ARL15: variants seen among roughly 807,000 people sequenced by gnomAD.
ARL15 encodes ARF like GTPase 15.
A neutral mutation model predicts 25.2 loss-of-function variants in ARL15; 19 were observed. That is an observed-to-expected ratio of 0.75 (90% confidence interval 0.53 to 1.10). The LOEUF is 1.10. Among genes scored for constraint, ARL15 ranks in the 50% least tolerant of loss-of-function variants. ARL15 has a pLI of 0.00. For missense variants in ARL15, 220 were observed against 246.0 expected (o/e 0.89, Z 0.71); for synonymous variants, 94 against 86.8 (o/e 1.08, Z -0.46).
intron 1 of ARL15, among the ~76,000 whole-genome samples, chr5:54,283,440 A>AATTCCAAATGT (rs1610936): frequency 5.3e-5 from 8 of 152,090 alleles, no homozygotes; most frequent in African/African-American, 1.9e-4. Context: ...ACTTTCAAAT[A>AATTCCAAATGT]TCAACGGTGC....
intron 4 of ARL15, among the ~76,000 whole-genome samples, chr5:53,917,475 T>C (rs907925215): frequency 6.6e-6 from 1 of 152,188 alleles, no homozygotes; most frequent in Non-Finnish European, 1.5e-5. Flanking sequence ...CAGTGTTTAT[T>C]AGACATCTAC....
intron 4 of ARL15, among the ~76,000 whole-genome samples, chr5:53,925,477 G>A (rs1246466952): frequency 1.3e-5 from 2 of 152,120 alleles, no homozygotes; most frequent in African/African-American, 2.4e-5. Flanking sequence ...GATTATAGGC[G>A]TGAACCACTG....
chr5:54,019,080 T>C (rs1041444415), intron 4 of ARL15, among the ~76,000 whole-genome samples: 4 of 152,148 alleles, frequency 2.6e-5, no homozygotes, highest in Non-Finnish European at 4.4e-5. Flanking sequence ...TGAAAAAATA[T>C]GTATGTTAAT....
chr5:54,011,142 G>A (rs141632356), intron 4 of ARL15, among the ~76,000 whole-genome samples: 72 of 152,258 alleles, frequency 4.7e-4, no homozygotes, highest in African/African-American at 9.9e-4. Flanking sequence ...CACGATTCAA[G>A]GTTAAGTCTC....
At chr5:54,047,416 G>A (rs569197961) in intron 4 of ARL15, among the ~76,000 whole-genome samples, 2 of 152,104 alleles carry the variant, frequency 1.3e-5, no homozygotes, top group Non-Finnish European at 2.9e-5. Flanking sequence ...ATGTCTCCCC[G>A]CAACATGGTG....
intron 4 of ARL15, among the ~76,000 whole-genome samples, chr5:54,003,835 CA>C (rs1483872891): frequency 6.6e-6 from 1 of 151,926 alleles, no homozygotes; most frequent in Non-Finnish European, 1.5e-5. Context: ...TCATTAGAAA[CA>C]AAAGAAACAT....
intron 1 of ARL15, among the ~76,000 whole-genome samples, chr5:54,228,956 T>A (rs1391360205): frequency 1.3e-5 from 2 of 152,148 alleles, no homozygotes; most frequent in East Asian, 3.8e-4. Flanking sequence ...TGTTAAGGTG[T>A]CTGTGAGAGA....
At chr5:54,124,687 G>T (rs931334901) in intron 3 of ARL15, among the ~76,000 whole-genome samples, 7 of 152,126 alleles carry the variant, frequency 4.6e-5, no homozygotes, top group African/African-American at 1.7e-4. Context: ...CCCATATTTT[G>T]TATTTTCATA....
Position 54,233,715 on chromosome 5 carries a change from G to T in ARL15, c.49-61787C>A, listed in dbSNP as rs1756730448. 2.0e-5 allele frequency among the ~76,000 whole-genome samples: 3 copies of T among 152,206 alleles called. No homozygotes were observed. The South Asian group carries it at 6.2e-4, about 31-fold the overall frequency. On this transcript the variant is annotated intron_variant, in intron 1 of 4. Transcript: ENST00000504924. The stretch of plus-strand genomic sequence containing the variant: ...TAAGGAACTACCATTTGATTGTTTA[G>T]ATATAGAATCACAGAAGACTACTCA...
intron 4 of ARL15, among the ~76,000 whole-genome samples, chr5:53,933,209 G>T (rs1296575780): frequency 6.6e-6 from 1 of 151,900 alleles, no homozygotes; most frequent in Non-Finnish European, 1.5e-5. Flanking sequence ...TGGGCAAGGG[G>T]GTATAGGTAG....
chr5:54,295,349 A>G (rs1758439706), intron 1 of ARL15, among the ~76,000 whole-genome samples: 1 of 152,204 alleles, frequency 6.6e-6, no homozygotes, highest in Non-Finnish European at 1.5e-5. Context: ...TAATGACATA[A>G]TGAAACTAAA....
intron 1 of ARL15, among the ~76,000 whole-genome samples, chr5:54,249,491 G>A (rs572701352): frequency 1.3e-5 from 2 of 152,164 alleles, no homozygotes; most frequent in East Asian, 1.9e-4. Flanking sequence ...AGAAGGGAAC[G>A]GGAAGAGTAG....
chr5:54,272,061 A>C (rs1423009078), intron 1 of ARL15, among the ~76,000 whole-genome samples: 1 of 143,796 alleles, frequency 7.0e-6, no homozygotes, highest in African/African-American at 2.6e-5. Context: ...CTTCTGTCTC[A>C]GCTTCCTGAA....
intron 2 of ARL15, among the ~76,000 whole-genome samples, chr5:54,165,731 C>T (rs942900747): frequency 7.9e-6 from 1 of 126,266 alleles, no homozygotes; most frequent in Non-Finnish European, 1.6e-5. Context: ...TAAATATATA[C>T]CTTTGTTTAT....
intron 4 of ARL15, chr5:53,887,491 C>T (rs982582086): frequency 1.3e-5 from 8 of 634,170 alleles, no homozygotes; most frequent in East Asian, 5.5e-5. Context: ...TACTGACTAA[C>T]GGCATTTAGT....
chr5:54,191,140 A>G (rs1755387538), intron 1 of ARL15, among the ~76,000 whole-genome samples: 1 of 152,224 alleles, frequency 6.6e-6, no homozygotes, highest in African/African-American at 2.4e-5. Context: ...AAAGGAAGGA[A>G]GTTGTGACAT....
At chr5:54,125,552 C>A (rs1442540584) in intron 3 of ARL15, among the ~76,000 whole-genome samples, 1 of 152,190 alleles carries the variant, frequency 6.6e-6, no homozygotes, top group African/African-American at 2.4e-5. Flanking sequence ...ATATACCACA[C>A]TGTTTATCTG....
At chr5:54,050,127 A>C (rs560173060) in intron 4 of ARL15, among the ~76,000 whole-genome samples, 1 of 152,304 alleles carries the variant, frequency 6.6e-6, no homozygotes, top group Admixed American at 6.5e-5. Flanking sequence ...CAAGCACCAA[A>C]ATAGCAGCAG....
chr5:54,132,982 A>G (rs1052481398), intron 3 of ARL15, among the ~76,000 whole-genome samples: 4 of 152,362 alleles, frequency 2.6e-5, no homozygotes, highest in Non-Finnish European at 4.4e-5. Context: ...GAAAGATCCA[A>G]TAACAAAGAC....
Sources: gnomAD v4.1 joint callset for allele counts (sites outside exome capture counted in the v4.1 genomes callset) on GRCh38, gnomAD v4.1.1 for gene constraint, MANE v1.5 for transcripts, NCBI Gene and HGNC (gene_info 2026-07-23, HGNC 2026-07-21) for gene names.